ACTR3: variants seen among roughly 807,000 people sequenced by gnomAD.
ACTR3 encodes actin related protein 3, also known as actin-related protein 3.
A neutral mutation model predicts 56.8 loss-of-function variants in ACTR3; 12 were observed. The observed-to-expected ratio is 0.21, with a 90% confidence interval of 0.14 to 0.34. The LOEUF is 0.34. ACTR3 is among the 10% of genes least tolerant of loss of function. ACTR3 has a pLI of 1.00. For missense variants in ACTR3, 282 were observed against 512.5 expected (o/e 0.55, Z 4.34); for synonymous variants, 162 against 167.4 (o/e 0.97, Z 0.25).
intron 8 of ACTR3, among the ~76,000 whole-genome samples, chr2:113,948,405 C>A (rs559557764): frequency 1.3e-5 from 2 of 152,278 alleles, no homozygotes; most frequent in South Asian, 4.1e-4. Flanking sequence ...CCATCTTGCC[C>A]TCCCAAAGCG....
chr2:113,912,975 A>G (rs1679336147), intron 1 of ACTR3, among the ~76,000 whole-genome samples, 197 bp from the exon 2 acceptor site: 1 of 152,178 alleles, frequency 6.6e-6, no homozygotes, highest in Admixed American at 6.5e-5. Context: ...TTGAAGTGGA[A>G]TTTCTTTTCA....
intron 3 of ACTR3, among the ~76,000 whole-genome samples, chr2:113,918,034 A>G (rs115433445): frequency 6.6e-6 from 1 of 152,218 alleles, no homozygotes; most frequent in East Asian, 1.9e-4. Flanking sequence ...AAAAGGCTTT[A>G]CAGTATGAGA....
chr2:113,948,800 G>A (rs1045440685), intron 8 of ACTR3, among the ~76,000 whole-genome samples: 1 of 151,824 alleles, frequency 6.6e-6, no homozygotes, highest in Non-Finnish European at 1.5e-5. Context: ...CAGATGTATA[G>A]GGTTTATTCA....
chr2:113,940,049 C>A lies in ACTR3; in HGVS notation c.631C>A (p.Arg211=), dbSNP rs1389652604. 2 of 1,613,006 alleles carry A rather than the reference C, an allele frequency of 1.2e-6. No homozygotes were observed. Among genetic ancestry groups the A allele is most frequent in the Non-Finnish European group, 1.7e-6 (2 of 1,179,446 alleles). The change falls in exon 7 of 12, where the codon CGA becomes AGA. Residue 211 remains arginine (R), a synonymous_variant. Coordinates refer to ENST00000263238, the MANE Select transcript of ACTR3 (RefSeq NM_005721.5). ...TTTTATTCAGCAACTGCTGAGAGAC[C>A]GAGAAGTAGGAATCCCTCCAGAACA... ...TYFIQQLLRD[R]EVGIPPEQSL...
chr2:113,895,135 GA>G (rs1678983717), intron 1 of ACTR3, among the ~76,000 whole-genome samples: 1 of 128,900 alleles, frequency 7.8e-6, no homozygotes, highest in East Asian at 2.3e-4. Flanking sequence ...TTAATCTCTA[GA>G]AAAAAATTAC....
chr2:113,942,484 T>C (rs1256008871), intron 8 of ACTR3, 125 bp downstream of exon 8: 3 of 640,648 alleles, frequency 4.7e-6, no homozygotes, highest in African/African-American at 3.8e-5. Context: ...TTATGAAAAG[T>C]TTATAAAACA....
In ACTR3 at chr2:113,934,268, T is replaced by C; in HGVS notation, c.433-11T>C. The C allele has an allele frequency of 6.4e-7, 1 of 1,557,856 alleles. No individual in the cohort carries two copies. Among genetic ancestry groups the C allele is most frequent in the East Asian group, 2.3e-5 (1 of 44,326 alleles). ...TTGTTTTTTTGCCTTTCTTCTTTCT[T>C]TGTGCTCAAGGCTGTTCTTGCCTTA... On this transcript the variant is annotated splice_polypyrimidine_tract_variant and intron_variant, in intron 5 of 11. Coordinates refer to ENST00000263238, the MANE Select transcript of ACTR3 (RefSeq NM_005721.5).
Position 113,890,117 on chromosome 2 carries a change from C to A in ACTR3, c.-163C>A. The A allele has an allele frequency of 1.2e-6, 1 of 821,072 alleles. No individual in the cohort carries two copies. The allele number at this position is 821,072 out of a possible 1,614,324, so 50.9% of individuals were successfully genotyped here. ...GCGGAAGTGATAGCCGCCGACCGAG[C>A]CTGCTGCTTTCTTGCTACTGCTTCG... On this transcript the variant is annotated 5_prime_UTR_variant, in exon 1 of 12. Coordinates refer to ENST00000263238, the MANE Select transcript of ACTR3 (RefSeq NM_005721.5).
intron 2 of ACTR3, among the ~76,000 whole-genome samples, chr2:113,914,571 A>C (rs1679368051): frequency 6.8e-6 from 1 of 147,814 alleles, no homozygotes; most frequent in African/African-American, 2.5e-5. Context: ...AGATGGCGCC[A>C]CTGCATTCCA....
rs148219909 is a variant in ACTR3 at position 113,923,422 on chromosome 2, C to T, written c.226-3923C>T. 3.9e-3 allele frequency among the ~76,000 whole-genome samples: 598 copies of T among 152,184 alleles called. 9 individuals are homozygous for T. The highest frequency in any genetic ancestry group is 0.027 in the Admixed American group (412 of 15,290). Reference sequence around the variant, plus strand: ...GCGCGATCTCAGCTCACTGCAGCCTCGACTTCGGGTTCATGCCATTCTCCT... The same window carrying T: ...GCGCGATCTCAGCTCACTGCAGCCTTGACTTCGGGTTCATGCCATTCTCCT... On this transcript the variant is annotated intron_variant, in intron 3 of 11. Coordinates refer to ENST00000263238, the MANE Select transcript of ACTR3 (RefSeq NM_005721.5).
At chr2:113,909,219 TG>T (rs1679258123) in intron 1 of ACTR3, among the ~76,000 whole-genome samples, 5 of 152,198 alleles carry the variant, frequency 3.3e-5, no homozygotes, top group African/African-American at 1.2e-4. Flanking sequence ...GGATACTGTA[TG>T]CATTTATTCT....
chr2:113,915,444 A>G (rs762564012), intron 2 of ACTR3, among the ~76,000 whole-genome samples: 2 of 152,202 alleles, frequency 1.3e-5, no homozygotes, highest in South Asian at 4.1e-4. Context: ...CTTCGTTTTA[A>G]CTGTGAAGAC....
intron 11 of ACTR3, 102 bp from the exon 12 acceptor site, chr2:113,957,258 C>T (rs1680233070): frequency 3.9e-6 from 3 of 777,694 alleles, no homozygotes; most frequent in East Asian, 2.7e-5. Flanking sequence ...ACATTTTAGA[C>T]TTAACATCTA....
chr2:113,903,573 G>A (rs1289485088), intron 1 of ACTR3, among the ~76,000 whole-genome samples: 5 of 145,580 alleles, frequency 3.4e-5, no homozygotes, highest in East Asian at 4.0e-4. Context: ...GTCTCGCTCC[G>A]TTGCTGGGCT....
intron 8 of ACTR3, among the ~76,000 whole-genome samples, chr2:113,948,958 A>G (rs983563627): frequency 1.5e-5 from 1 of 68,376 alleles, no homozygotes; most frequent in Non-Finnish European, 2.4e-5. Context: ...CGTATATCCT[A>G]TGTCTTTTTC....
chr2:113,928,013 T>C (rs1679651099), intron 4 of ACTR3, among the ~76,000 whole-genome samples: 1 of 151,458 alleles, frequency 6.6e-6, no homozygotes, highest in Non-Finnish European at 1.5e-5. Flanking sequence ...TTAACATGTT[T>C]CTTTTATTTA....
At position 113,919,393 on chromosome 2, in the gene ACTR3, G is replaced by A. The variant is rs76390279; in HGVS notation, c.225+2385G>A. Among the ~76,000 whole-genome samples, 3,683 of 151,592 alleles carry A rather than the reference G, an allele frequency of 0.024. 219 individuals carry two copies. The East Asian group carries it at 0.26, about 11-fold the overall frequency. On this transcript the variant is annotated intron_variant, in intron 3 of 11. Coordinates refer to ENST00000263238, the MANE Select transcript of ACTR3 (RefSeq NM_005721.5). ...TATGTTTCTTTTCTTTTTTGTTCTTGCCATTTATTTATGGAAAAAAACTTG... is the reference window on the plus strand; with the variant it reads ...TATGTTTCTTTTCTTTTTTGTTCTTACCATTTATTTATGGAAAAAAACTTG...
intron 1 of ACTR3, among the ~76,000 whole-genome samples, chr2:113,912,948 C>T (rs1389960410): frequency 6.6e-6 from 1 of 151,918 alleles, no homozygotes; most frequent in Non-Finnish European, 1.5e-5. Context: ...CACATATATT[C>T]CTGAAGGATC....
intron 8 of ACTR3, among the ~76,000 whole-genome samples, chr2:113,943,204 CAG>C (rs902190829): frequency 2.0e-4 from 30 of 152,294 alleles, no homozygotes; most frequent in African/African-American, 6.0e-4. Context: ...GAGAACATCT[CAG>C]GGGAGATAAT....
Sources: gnomAD v4.1 joint callset for allele counts (sites outside exome capture counted in the v4.1 genomes callset) on GRCh38, gnomAD v4.1.1 for gene constraint, MANE v1.5 for transcripts, NCBI Gene and HGNC (gene_info 2026-07-23, HGNC 2026-07-21) for gene names.